Variants in DCC observed in about 807,000 individuals in gnomAD.
The protein encoded by DCC is DCC netrin 1 receptor.
A neutral mutation model predicts 172.5 loss-of-function variants in DCC; 58 were observed. The observed-to-expected ratio is 0.34, with a 90% CI of 0.27 to 0.42. DCC has a LOEUF of 0.42. Among genes scored for constraint, DCC ranks in the 10% least tolerant of loss-of-function variants. The pLI is 1.00. For missense variants in DCC, 1,740 were observed against 1,791.0 expected (o/e 0.97, Z 0.51); for synonymous variants, 709 against 644.5 (o/e 1.10, Z -1.52).
At chr18:53,063,673 G>T in intron 6 of DCC, 1 of 519,448 alleles carries the variant, frequency 1.9e-6, no homozygotes, top group Non-Finnish European at 3.4e-6. Context: ...TGGTTTTACA[G>T]ACAAGACTTT....
intron 1 of DCC, among the ~76,000 whole-genome samples, chr18:52,397,901 C>T (rs1986291462): frequency 6.6e-6 from 1 of 151,948 alleles, no homozygotes; most frequent in Non-Finnish European, 1.5e-5. Context: ...CTGTCCATCT[C>T]ATGTAAAAAA....
At chr18:52,742,754 G>A (rs1259416862) in intron 1 of DCC, among the ~76,000 whole-genome samples, 1 of 149,576 alleles carries the variant, frequency 6.7e-6, no homozygotes, top group Non-Finnish European at 1.5e-5. Flanking sequence ...GTAGAAGTGA[G>A]AACTATGACA....
chr18:52,600,260 T>A (rs1239239125), intron 1 of DCC, among the ~76,000 whole-genome samples: 1 of 152,184 alleles, frequency 6.6e-6, no homozygotes, highest in Non-Finnish European at 1.5e-5. Context: ...TTTATTGAAA[T>A]GACCAGGTTT....
At chr18:52,752,520 A>G in intron 2 of DCC, 146 bp downstream of exon 2, 2 of 697,462 alleles carry the variant, frequency 2.9e-6, no homozygotes, top group African/African-American at 3.6e-5. Context: ...ATATATTTTT[A>G]TGAAGTACAA....
chr18:52,698,762 CTA>C (rs1226511956), intron 1 of DCC, among the ~76,000 whole-genome samples: 4 of 44,088 alleles, frequency 9.1e-5, no homozygotes, highest in East Asian at 7.6e-4. Context: ...CCACGCCTGG[CTA>C]TTTTTTTTTT....
At chr18:53,104,593 C>T (rs1423753182) in intron 7 of DCC, among the ~76,000 whole-genome samples, 1 of 151,960 alleles carries the variant, frequency 6.6e-6, no homozygotes, top group Non-Finnish European at 1.5e-5. Flanking sequence ...ATACACCTAG[C>T]TATTTGATTT....
At chr18:53,312,038 G>A (rs960454397) in intron 13 of DCC, among the ~76,000 whole-genome samples, 48 of 151,928 alleles carry the variant, frequency 3.2e-4, no homozygotes, top group African/African-American at 1.1e-3. Context: ...GGTAGGGCGC[G>A]GTGGCTCATG....
chr18:53,414,474 G>C (rs1230774928), intron 20 of DCC, among the ~76,000 whole-genome samples: 6 of 152,086 alleles, frequency 3.9e-5, no homozygotes, highest in Non-Finnish European at 7.3e-5. Flanking sequence ...TCATTGAATT[G>C]CATACATTAA....
At chr18:53,233,954 A>G (rs1407653009) in intron 12 of DCC, among the ~76,000 whole-genome samples, 1 of 152,130 alleles carries the variant, frequency 6.6e-6, no homozygotes, top group African/African-American at 2.4e-5. Context: ...TCACTACTAA[A>G]AATACAAAAA....
chr18:53,404,638 G>A (rs573128235), intron 19 of DCC, among the ~76,000 whole-genome samples: 2 of 152,158 alleles, frequency 1.3e-5, no homozygotes, highest in South Asian at 4.1e-4. Context: ...GGCTGAGGCA[G>A]GAGAATAGCA....
intron 1 of DCC, among the ~76,000 whole-genome samples, chr18:52,562,451 G>C (rs2033060910): frequency 6.6e-6 from 1 of 152,072 alleles, no homozygotes; most frequent in Non-Finnish European, 1.5e-5. Context: ...TCAAACCACT[G>C]TTCTTACTTT....
At chr18:52,647,618 A>C (rs1195819386) in intron 1 of DCC, among the ~76,000 whole-genome samples, 1 of 152,230 alleles carries the variant, frequency 6.6e-6, no homozygotes. Context: ...GGTCTGGTTC[A>C]ATTCGCTTAG....
intron 5 of DCC, among the ~76,000 whole-genome samples, chr18:53,057,279 A>C (rs1213718651): frequency 6.6e-6 from 1 of 152,066 alleles, no homozygotes; most frequent in Non-Finnish European, 1.5e-5. Context: ...AAACGTTTAA[A>C]AAGAAAAACA....
chr18:53,406,703 CA>C (rs35372678), intron 19 of DCC, among the ~76,000 whole-genome samples: 49,967 of 92,302 alleles, frequency 0.54, 9,942 homozygotes, highest in African/African-American at 0.61. Flanking sequence ...GACTCTGTCT[CA>C]AAAAAAAAAA....
intron 1 of DCC, among the ~76,000 whole-genome samples, chr18:52,678,267 C>T (rs187157070): frequency 6.6e-6 from 1 of 152,176 alleles, no homozygotes; most frequent in East Asian, 1.9e-4. Flanking sequence ...GTGCTGCTGC[C>T]GTCTTATTGG....
chr18:53,465,145 G>T (rs1179940929), intron 24 of DCC, among the ~76,000 whole-genome samples: 1 of 151,794 alleles, frequency 6.6e-6, no homozygotes, highest in Non-Finnish European at 1.5e-5. Flanking sequence ...AAAGTCTGTT[G>T]TATTTAATTG....
chr18:52,412,107 A>G (rs769674070), intron 1 of DCC, among the ~76,000 whole-genome samples: 2 of 152,168 alleles, frequency 1.3e-5, no homozygotes, highest in African/African-American at 4.8e-5. Context: ...ACTGCAATGT[A>G]TAATGACATT....
chr18:53,072,753 C>A (rs1381255515), intron 7 of DCC, among the ~76,000 whole-genome samples: 1 of 152,110 alleles, frequency 6.6e-6, no homozygotes, highest in African/African-American at 2.4e-5. Context: ...TTTGCTTGGG[C>A]AAGATATAGG....
At chr18:52,525,041 C>T (rs1370737098) in intron 1 of DCC, among the ~76,000 whole-genome samples, 1 of 152,048 alleles carries the variant, frequency 6.6e-6, no homozygotes, top group Admixed American at 6.6e-5. Flanking sequence ...TGATAATGCT[C>T]TGTTTAGTGG....
Sources: allele counts gnomAD v4.1 joint callset (sites outside exome capture counted in the v4.1 genomes callset), GRCh38; gene constraint gnomAD v4.1.1; transcripts MANE v1.5; gene names NCBI Gene and HGNC (gene_info 2026-07-23, HGNC 2026-07-21).